LRRC37A2: variants seen among roughly 807,000 people sequenced by gnomAD.
The protein encoded by LRRC37A2 is leucine-rich repeat-containing protein 37A2.
Under a neutral mutation model 68.8 loss-of-function variants are expected in LRRC37A2, and 9 were observed. That is an observed-to-expected ratio of 0.13 (90% CI 0.08 to 0.23). The LOEUF is 0.23. Among genes scored for constraint, LRRC37A2 ranks in the 10% least tolerant of loss-of-function variants. The pLI is 1.00. For missense variants in LRRC37A2, 168 were observed against 950.4 expected, an observed-to-expected ratio of 0.18 and a Z score of 10.82; for synonymous variants, 63 against 367.6, an observed-to-expected ratio of 0.17 and a Z score of 9.48.
At chr17:46,801,088 A>G in the LRRC37A2 span, among the ~76,000 whole-genome samples, 63 of 152,156 alleles carry the variant, frequency 4.1e-4, no homozygotes, top group Non-Finnish European at 8.1e-4. Context: ...TTTCATCCTC[A>G]CAATAGCCCT....
the LRRC37A2 span, chr17:46,936,787 A>G: frequency 3.0e-6 from 3 of 984,558 alleles, no homozygotes; most frequent in Non-Finnish European, 3.6e-6. Context: ...CGGGGAAAAA[A>G]AAATACAAAT....
the LRRC37A2 span, among the ~76,000 whole-genome samples, chr17:46,607,833 G>A: frequency 8.9e-6 from 1 of 112,890 alleles, no homozygotes; most frequent in Non-Finnish European, 1.6e-5. Flanking sequence ...GTCAGATTAG[G>A]GCCCTTCGCT....
chr17:46,494,555 T>G, the LRRC37A2 span, among the ~76,000 whole-genome samples: 1 of 150,596 alleles, frequency 6.6e-6, no homozygotes, highest in Non-Finnish European at 1.5e-5. Context: ...AATTATCAAT[T>G]ATATTGTTTC....
the LRRC37A2 span, among the ~76,000 whole-genome samples, chr17:46,976,226 A>G: frequency 6.7e-6 from 1 of 148,878 alleles, no homozygotes; most frequent in African/African-American, 2.5e-5. Context: ...ACGCCTGGCG[A>G]TAAAAGTTTT....
At chr17:46,786,711 T>C in the LRRC37A2 span, among the ~76,000 whole-genome samples, 5 of 152,182 alleles carry the variant, frequency 3.3e-5, no homozygotes, top group Non-Finnish European at 5.9e-5. Flanking sequence ...GTGCTCTCTG[T>C]TACTGAGGAT....
the LRRC37A2 span, among the ~76,000 whole-genome samples, chr17:46,943,404 T>C: frequency 1.3e-5 from 2 of 152,202 alleles, no homozygotes; most frequent in Non-Finnish European, 2.9e-5. Context: ...CTCCCTGGAC[T>C]GCTTGGTCTT....
At chr17:47,001,528 AG>A in the LRRC37A2 span, among the ~76,000 whole-genome samples, 36 of 152,242 alleles carry the variant, frequency 2.4e-4, no homozygotes, top group African/African-American at 8.2e-4. Flanking sequence ...AACTGCCTAG[AG>A]ATTACAATTT....
At chr17:46,727,978 A>G in the LRRC37A2 span, among the ~76,000 whole-genome samples, 1 of 152,042 alleles carries the variant, frequency 6.6e-6, no homozygotes, top group East Asian at 1.9e-4. Flanking sequence ...AGAATGTGCC[A>G]TGTATTTTGG....
the LRRC37A2 span, among the ~76,000 whole-genome samples, chr17:46,408,394 A>G: frequency 8.5e-5 from 3 of 35,100 alleles, no homozygotes; most frequent in African/African-American, 1.4e-4. Flanking sequence ...GTTACCTGGT[A>G]TAGGAGATTA....
chr17:47,018,537 G>A, the LRRC37A2 span: 26 of 1,520,432 alleles, frequency 1.7e-5, no homozygotes, highest in Non-Finnish European at 2.4e-5. Flanking sequence ...AGGTAATGAT[G>A]TAGAACCTCC....
chr17:46,609,299 CT>C, the LRRC37A2 span, among the ~76,000 whole-genome samples: 1 of 144,788 alleles, frequency 6.9e-6, no homozygotes, highest in Non-Finnish European at 1.5e-5. Flanking sequence ...AAATAATGTT[CT>C]TTTTCTTAAA....
the LRRC37A2 span, among the ~76,000 whole-genome samples, chr17:46,900,168 C>T: frequency 0.081 from 5,173 of 63,518 alleles, 584 homozygotes; most frequent in African/African-American, 0.3. Context: ...TATACATATA[C>T]ATATATATAT....
chr17:46,710,429 C>G, the LRRC37A2 span, among the ~76,000 whole-genome samples: 1 of 152,100 alleles, frequency 6.6e-6, no homozygotes, highest in Non-Finnish European at 1.5e-5. Context: ...CTATCTCATC[C>G]TAAATCTTAT....
chr17:46,819,103 G>T, the LRRC37A2 span, among the ~76,000 whole-genome samples: 1 of 152,154 alleles, frequency 6.6e-6, no homozygotes, highest in Non-Finnish European at 1.5e-5. The surrounding 1 kb of genome is among the most constrained non-coding windows in gnomAD (Gnocchi z 5.3). Context: ...TTGGGACGTG[G>T]GCCCGCGAGG....
the LRRC37A2 span, chr17:47,028,388 T>C: frequency 7.7e-7 from 1 of 1,292,234 alleles, no homozygotes; most frequent in Non-Finnish European, 1.1e-6. Context: ...TGAATACATG[T>C]AAACAACTAT....
chr17:46,828,215 G>A, the LRRC37A2 span, among the ~76,000 whole-genome samples: 1 of 147,548 alleles, frequency 6.8e-6, no homozygotes, highest in Middle Eastern at 3.4e-3. Flanking sequence ...CTCTTTTTTT[G>A]AGACAGCGTC....
At chr17:46,793,272 TAAAAAA>T in the LRRC37A2 span, among the ~76,000 whole-genome samples, 1 of 41,950 alleles carries the variant, frequency 2.4e-5, no homozygotes, top group Non-Finnish European at 4.0e-5. Context: ...AGACCCTGTC[TAAAAAA>T]AAAAAAAAAA....
At chr17:46,869,237 A>T in the LRRC37A2 span, among the ~76,000 whole-genome samples, 4 of 152,060 alleles carry the variant, frequency 2.6e-5, no homozygotes, top group Non-Finnish European at 5.9e-5. Context: ...TTGATACTGG[A>T]CTCTCTGAGC....
chr17:46,876,230 C>A, the LRRC37A2 span: 1 of 1,589,598 alleles, frequency 6.3e-7, no homozygotes. Flanking sequence ...CGCCTCTGTT[C>A]TGCCTCCCCC....
Sources: allele counts gnomAD v4.1 joint callset (sites outside exome capture counted in the v4.1 genomes callset), GRCh38; gene constraint gnomAD v4.1.1; non-coding constraint Gnocchi (gnomAD v3.1); transcripts MANE v1.5; gene names NCBI Gene and HGNC (gene_info 2026-07-23, HGNC 2026-07-21).